PCDHGA4: variants seen among roughly 807,000 people sequenced by gnomAD.
The protein encoded by PCDHGA4 is protocadherin gamma-A4.
PCDHGA4 carries 38 observed loss-of-function variants against 54.6 expected under a neutral mutation model. The observed-to-expected ratio is 0.70, with a 90% CI of 0.54 to 0.91. PCDHGA4 has a LOEUF of 0.91. Ranked by LOEUF, PCDHGA4 falls within the 40% of genes least tolerant of loss-of-function variation. The probability of loss-of-function intolerance (pLI) is 0.00; values close to 1 mark genes in which losing one functional copy is unlikely to be tolerated. For synonymous variants in PCDHGA4, 511 were observed against 512.9 expected (o/e 1.00, Z 0.05); for missense variants, 1,298 against 1,220.9 (o/e 1.06, Z -0.94).
At chr5:141,505,296 G>A (rs1174492966) in intron 2 of PCDHGA4, 97 bp from the exon 3 acceptor site, 1 of 1,584,850 alleles carries the variant, frequency 6.3e-7, no homozygotes, top group Non-Finnish European at 8.6e-7. Context: ...ATGGGGTAGG[G>A]TTAGGGTACT....
At chr5:141,404,333 C>G (rs181615917) in intron 1 of PCDHGA4, 10 of 1,613,736 alleles carry the variant, frequency 6.2e-6, no homozygotes, top group Non-Finnish European at 8.5e-6. Flanking sequence ...CTCAGTCTAC[C>G]TCCCGGAAAA....
chr5:141,454,567 C>G (rs572130062), intron 1 of PCDHGA4, among the ~76,000 whole-genome samples: 1 of 150,856 alleles, frequency 6.6e-6, no homozygotes, highest in Non-Finnish European at 1.5e-5. Flanking sequence ...CCACCACGCC[C>G]GGCTAATTTT....
In PCDHGA4 at chr5:141,394,525, G is replaced by T; in HGVS notation, c.2514+36904G>T. ...CTGTACCCCGCCCTCCCCACAGACG[G>T]TTCCACTGGCGTGGAGCTGGCGCCC... On this transcript the variant is annotated intron_variant, in intron 1 of 3. Coordinates refer to ENST00000571252, the MANE Select transcript of PCDHGA4 (RefSeq NM_018917.4). 3 of 1,614,228 alleles carry T rather than the reference G, an allele frequency of 1.9e-6. No homozygotes were observed. The East Asian group carries it at 6.7e-5, about 36-fold the overall frequency.
At chr5:141,368,030 G>A (rs1323866640) in intron 1 of PCDHGA4, among the ~76,000 whole-genome samples, 1 of 152,122 alleles carries the variant, frequency 6.6e-6, no homozygotes. Context: ...TCAAATTCCA[G>A]GAGGATGTGT....
At chr5:141,422,664 C>T (rs2096662670) in intron 1 of PCDHGA4, 4 of 1,608,458 alleles carry the variant, frequency 2.5e-6, no homozygotes, top group Non-Finnish European at 3.4e-6. Flanking sequence ...CCGCCCTCGA[C>T]CCGGACAGCA....
intron 1 of PCDHGA4, chr5:141,478,686 GA>G (rs2099472024): frequency 6.4e-7 from 1 of 1,551,134 alleles, no homozygotes; most frequent in South Asian, 1.2e-5. Context: ...GCCCTTCCTA[GA>G]TCAAAGTTAG....
chr5:141,383,095 A>G, intron 1 of PCDHGA4: 1 of 1,613,956 alleles, frequency 6.2e-7, no homozygotes, highest in Non-Finnish European at 8.5e-7. Context: ...CGGAGTCCGC[A>G]TCATCTCCAG....
chr5:141,361,456 C>A (rs529112132), intron 1 of PCDHGA4: 1 of 1,613,916 alleles, frequency 6.2e-7, no homozygotes, highest in African/African-American at 1.3e-5. Context: ...TGTCACCCTG[C>A]ACATCTCCGA....
intron 1 of PCDHGA4, chr5:141,362,295 G>A (rs1312691474): frequency 1.2e-6 from 2 of 1,614,062 alleles, no homozygotes; most frequent in Non-Finnish European, 1.7e-6. Context: ...TCTCTTCCAG[G>A]TCAGATGCTT....
In PCDHGA4 at chr5:141,512,874, C is replaced by G. The variant is rs2099884476; in HGVS notation, c.*1701C>G. The G allele has an allele frequency of 6.6e-6, 1 of 152,246 alleles. No homozygotes were observed. Among genetic ancestry groups the G allele is most frequent in the Non-Finnish European group, 1.5e-5 (1 of 68,062 alleles). 9.4% of individuals were successfully genotyped at this position (152,246 alleles called of 1,614,324 possible). ...CTTCTCTTCGCATAGTCACGTAGCT[C>G]CCACCCCACCCTCTTCCTGTGTCTC... On this transcript the variant is annotated 3_prime_UTR_variant, in exon 4 of 4. Transcript: ENST00000571252.
chr5:141,432,586 C>T lies in PCDHGA4; in HGVS notation c.2515-62221C>T. The T allele has an allele frequency of 1.9e-6, 3 of 1,613,852 alleles. No homozygotes were observed. Among genetic ancestry groups the T allele is most frequent in the Non-Finnish European group, 2.5e-6 (3 of 1,179,972 alleles). On this transcript the variant is annotated intron_variant, in intron 1 of 3. Transcript: ENST00000571252. The surrounding 1 kb of genome is among the most constrained non-coding windows in gnomAD (Gnocchi z 6.0). ...ACGCCTGGCTGTCCTACCGTCTGCT[C>T]AAGGCCAGCGAGCCGGGACTCTTCT...
intron 1 of PCDHGA4, chr5:141,360,351 G>T: frequency 6.2e-7 from 1 of 1,613,876 alleles, no homozygotes; most frequent in Non-Finnish European, 8.5e-7. Context: ...GCGCGGAGAA[G>T]GAATATTTCA....
intron 1 of PCDHGA4, among the ~76,000 whole-genome samples, chr5:141,492,170 C>A (rs1383768075): frequency 6.6e-6 from 1 of 152,226 alleles, no homozygotes; most frequent in Non-Finnish European, 1.5e-5. Context: ...ATCCCCGCAT[C>A]ACCCAACCGC....
At chr5:141,449,215 T>C (rs2098631967) in intron 1 of PCDHGA4, among the ~76,000 whole-genome samples, 2 of 152,170 alleles carry the variant, frequency 1.3e-5, no homozygotes, top group Non-Finnish European at 2.9e-5. Context: ...ACTTTCTGTT[T>C]TGAAATGATT....
At chr5:141,428,124 C>G in intron 1 of PCDHGA4, 2 of 1,605,400 alleles carry the variant, frequency 1.2e-6, no homozygotes, top group Non-Finnish European at 1.7e-6. Flanking sequence ...CGAGCCCGGG[C>G]TTTTCAGCCT....
intron 1 of PCDHGA4, among the ~76,000 whole-genome samples, chr5:141,462,363 G>C (rs1425898350): frequency 6.6e-6 from 1 of 152,132 alleles, no homozygotes; most frequent in Non-Finnish European, 1.5e-5. Context: ...ACATTGTATA[G>C]TTTCTATTCT....
At chr5:141,398,343 G>A (rs1393305647) in intron 1 of PCDHGA4, 6 of 1,380,544 alleles carry the variant, frequency 4.3e-6, no homozygotes, top group Non-Finnish European at 6.0e-6. Context: ...GTTCGGAGAA[G>A]CCTTACTTCA....
At chr5:141,384,649 C>A (rs778822731) in intron 1 of PCDHGA4, 2 of 1,614,232 alleles carry the variant, frequency 1.2e-6, no homozygotes, top group South Asian at 1.1e-5. Flanking sequence ...CTCCGCAGAG[C>A]CCGGCTACCT....
Position 141,361,043 on chromosome 5 carries a change from C to G in PCDHGA4, c.2514+3422C>G. On this transcript the variant is annotated intron_variant, in intron 1 of 3. Coordinates refer to ENST00000571252, the MANE Select transcript of PCDHGA4 (RefSeq NM_018917.4). The stretch of plus-strand genomic sequence containing the variant: ...AATGAAAAAACAGGAGAAATCACGA[C>G]AAAGGATGATTTGGATTTTGAGATT... 2.5e-6 allele frequency: 4 copies of G among 1,613,524 alleles called. No homozygotes were observed. In the South Asian group the frequency reaches 3.3e-5, roughly 13 times the overall value.
Sources: gnomAD v4.1 joint callset for allele counts (sites outside exome capture counted in the v4.1 genomes callset) on GRCh38, gnomAD v4.1.1 for gene constraint, Gnocchi (gnomAD v3.1) non-coding constraint, MANE v1.5 for transcripts, NCBI Gene and HGNC (gene_info 2026-07-23, HGNC 2026-07-21) for gene names.